The following GUCY1A2 variants were observed in gnomAD, a reference collection of about 807,000 sequenced individuals.
GUCY1A2 encodes the protein guanylate cyclase soluble subunit alpha-2.
Under a neutral mutation model 63.5 loss-of-function variants are expected in GUCY1A2, and 27 were observed. The observed-to-expected ratio is 0.43, with a 90% CI of 0.31 to 0.59. GUCY1A2 has a LOEUF of 0.59. GUCY1A2 is among the 20% of genes least tolerant of loss of function. The probability of loss-of-function intolerance (pLI) is 0.11; values close to 1 mark genes in which losing one functional copy is unlikely to be tolerated. For synonymous variants in GUCY1A2, 364 were observed against 343.5 expected (o/e 1.06, Z -0.66); for missense variants, 768 against 913.3 (o/e 0.84, Z 2.05).
chr11:106,804,168 T>A (rs748464398), intron 5 of GUCY1A2, among the ~76,000 whole-genome samples: 10 of 152,230 alleles, frequency 6.6e-5, no homozygotes, highest in Non-Finnish European at 1.5e-4. Flanking sequence ...AATGAATGAG[T>A]TGAATAAATT....
chr11:106,710,207 A>T (rs1388036174), intron 6 of GUCY1A2, among the ~76,000 whole-genome samples: 45 of 46,852 alleles, frequency 9.6e-4, no homozygotes, highest in African/African-American at 1.5e-3. Flanking sequence ...GTTATATATT[A>T]TATACATGTA....
chr11:106,818,705 G>T (rs770670508), intron 4 of GUCY1A2, among the ~76,000 whole-genome samples: 1 of 152,092 alleles, frequency 6.6e-6, no homozygotes, highest in Non-Finnish European at 1.5e-5. Flanking sequence ...GCCAAGTTGC[G>T]AATGAAAATG....
At chr11:106,846,307 G>C (rs1265173874) in intron 4 of GUCY1A2, among the ~76,000 whole-genome samples, 1 of 151,592 alleles carries the variant, frequency 6.6e-6, no homozygotes, top group African/African-American at 2.4e-5. Flanking sequence ...TGAAATTTTA[G>C]AAGACAGTGG....
Position 106,782,721 on chromosome 11 carries a change from C to T in GUCY1A2, c.1693-6139G>A, listed in dbSNP as rs530427243. Among the ~76,000 whole-genome samples the T allele has an allele frequency of 5.2e-4, 79 of 152,052 alleles. No homozygotes were observed. The South Asian group carries it at 5.2e-3, about 10-fold the overall frequency. ...AGAAACTGAACAATGAGGTCAATGG[C>T]GGTCTGCACAAGAATATCCAAAAGG... On this transcript the variant is annotated intron_variant, in intron 5 of 7. Transcript: ENST00000526355.
intron 6 of GUCY1A2, among the ~76,000 whole-genome samples, chr11:106,739,896 A>T (rs1266435066): frequency 6.6e-6 from 1 of 152,112 alleles, no homozygotes; most frequent in African/African-American, 2.4e-5. Context: ...CAGTAGCTAA[A>T]ACCAGAGTTT....
At chr11:106,851,605 G>A (rs1859356120) in intron 4 of GUCY1A2, among the ~76,000 whole-genome samples, 1 of 151,876 alleles carries the variant, frequency 6.6e-6, no homozygotes, top group Non-Finnish European at 1.5e-5. Flanking sequence ...ATTGAAGAGT[G>A]TATTCTTTAC....
chr11:106,781,308 T>A (rs1194887103), intron 5 of GUCY1A2, among the ~76,000 whole-genome samples: 2 of 152,110 alleles, frequency 1.3e-5, no homozygotes, highest in African/African-American at 4.8e-5. Context: ...AAACTAAGCA[T>A]GGAGATGGGG....
intron 7 of GUCY1A2, among the ~76,000 whole-genome samples, chr11:106,692,190 T>C (rs1413205881): frequency 1.3e-5 from 2 of 152,168 alleles, no homozygotes; most frequent in African/African-American, 4.8e-5. Flanking sequence ...TATGGAAGGT[T>C]AGATTCTATA....
intron 6 of GUCY1A2, among the ~76,000 whole-genome samples, chr11:106,735,112 C>A (rs1307116042): frequency 6.6e-6 from 1 of 151,990 alleles, no homozygotes; most frequent in Non-Finnish European, 1.5e-5. Context: ...TCCATCACTG[C>A]AAACATTAAT....
chr11:106,715,398 A>C (rs1235728829), intron 6 of GUCY1A2, among the ~76,000 whole-genome samples: 1 of 152,180 alleles, frequency 6.6e-6, no homozygotes, highest in Non-Finnish European at 1.5e-5. Context: ...CATTAGTGTT[A>C]GGCTCAGCTC....
intron 6 of GUCY1A2, among the ~76,000 whole-genome samples, chr11:106,747,993 G>C (rs1027440066): frequency 1.3e-5 from 2 of 152,198 alleles, no homozygotes; most frequent in Non-Finnish European, 2.9e-5. Flanking sequence ...ACAGCTGACA[G>C]TAGAAAGAGG....
At chr11:106,958,476 A>G (rs1861018657) in intron 3 of GUCY1A2, among the ~76,000 whole-genome samples, 1 of 152,226 alleles carries the variant, frequency 6.6e-6, no homozygotes, top group Non-Finnish European at 1.5e-5. Context: ...TGATTTGAAC[A>G]AATCTCCTCT....
At chr11:106,860,862 A>G (rs561560300) in intron 4 of GUCY1A2, among the ~76,000 whole-genome samples, 2 of 152,138 alleles carry the variant, frequency 1.3e-5, no homozygotes, top group South Asian at 4.1e-4. Flanking sequence ...GCCATCATAA[A>G]TAGCTAAAGA....
At chr11:106,952,771 C>G (rs1482914282) in intron 3 of GUCY1A2, among the ~76,000 whole-genome samples, 1 of 151,972 alleles carries the variant, frequency 6.6e-6, no homozygotes, top group Admixed American at 6.6e-5. Flanking sequence ...CTCCCAATAT[C>G]TGGGACTACA....
chr11:106,974,930 T>C (rs1209290359), intron 3 of GUCY1A2, among the ~76,000 whole-genome samples: 5 of 152,116 alleles, frequency 3.3e-5, no homozygotes, highest in Non-Finnish European at 7.4e-5. Flanking sequence ...CTTTATATGC[T>C]ATAACTCCTC....
At chr11:106,800,574 T>C (rs906323304) in intron 5 of GUCY1A2, among the ~76,000 whole-genome samples, 11 of 152,166 alleles carry the variant, frequency 7.2e-5, no homozygotes, top group Non-Finnish European at 1.3e-4. Context: ...AAGGATGAGT[T>C]CATGTCCTTT....
intron 1 of GUCY1A2, among the ~76,000 whole-genome samples, chr11:107,007,113 T>C (rs1280706920): frequency 6.7e-6 from 1 of 149,938 alleles, no homozygotes; most frequent in African/African-American, 2.5e-5. Flanking sequence ...CAACTACTCA[T>C]TGGAACCATA....
rs192158911 is a variant in GUCY1A2, at chr11:106,884,377, A to T, written c.1206+55083T>A. Among the ~76,000 whole-genome samples the T allele has an allele frequency of 1.8e-4, 27 of 152,266 alleles. No individual in the cohort carries two copies. The East Asian group carries it at 4.6e-3, about 26-fold the overall frequency. Reference sequence around the variant, plus strand: ...TGTATGTTACATTAGACATTAGAAGAATAGAAGTTAACCGGTAAATATTCA... The same window carrying T: ...TGTATGTTACATTAGACATTAGAAGTATAGAAGTTAACCGGTAAATATTCA... On this transcript the variant is annotated intron_variant, in intron 4 of 7. Transcript: ENST00000526355.
At chr11:106,930,343 G>C (rs111607756) in intron 4 of GUCY1A2, among the ~76,000 whole-genome samples, 71 of 152,106 alleles carry the variant, frequency 4.7e-4, no homozygotes, top group African/African-American at 1.6e-3. Flanking sequence ...TCTTTTTTTT[G>C]AGACAGAGTC....
Sources: gnomAD v4.1 joint callset for allele counts (sites outside exome capture counted in the v4.1 genomes callset) on GRCh38, gnomAD v4.1.1 for gene constraint, MANE v1.5 for transcripts, NCBI Gene and HGNC (gene_info 2026-07-23, HGNC 2026-07-21) for gene names.